The following GEMIN5 variants were observed in gnomAD, a reference collection of about 807,000 sequenced individuals.
GEMIN5 encodes the protein gem nuclear organelle associated protein 5.
A neutral mutation model predicts 176.9 loss-of-function variants in GEMIN5; 124 were observed. That is an observed-to-expected ratio of 0.70 (90% CI 0.61 to 0.81). The LOEUF (loss-of-function observed/expected upper bound fraction) is 0.81, where lower values mean the gene tolerates loss of function less well. Ranked by LOEUF, GEMIN5 falls within the 40% of genes least tolerant of loss-of-function variation. The pLI is 0.00. For synonymous variants in GEMIN5, 673 were observed against 665.2 expected (o/e 1.01, Z -0.18); for missense variants, 1,843 against 1,814.6 (o/e 1.02, Z -0.28).
chr5:154,901,541 A>C (rs1450936256), intron 20 of GEMIN5, 55 bp from the exon 21 acceptor site: 8 of 1,559,464 alleles, frequency 5.1e-6, no homozygotes, highest in Middle Eastern at 1.7e-4. Context: ...AGTAAAAACA[A>C]TACCCAGTAC....
intron 19 of GEMIN5, 48 bp downstream of exon 19, chr5:154,903,032 G>T: frequency 1.7e-6 from 2 of 1,208,334 alleles, no homozygotes; most frequent in South Asian, 1.3e-5. Context: ...ACAAAATGTT[G>T]GGAAAGTATA....
In GEMIN5 at chr5:154,928,577, T is replaced by G. The variant is rs141889049; in HGVS notation, c.864A>C (p.Thr288=). 1.7e-4 allele frequency: 281 copies of G among 1,613,812 alleles called. No homozygotes were observed. The highest frequency in any genetic ancestry group is 2.3e-4 in the Non-Finnish European group (274 of 1,179,776). ...TTGGTTGATTGCTGGGCCAATGGAG[T>G]GTCAACCAAAGGCGCTCTTTAACAG... ...DPTVKERLWL[T]LHWPSNQPTQ... is the part of the protein sequence containing the mutation. Residue 288 remains threonine, a synonymous_variant, in exon 6 of 28, where the codon ACA becomes ACC. Coordinates refer to ENST00000285873, the MANE Select transcript of GEMIN5 (RefSeq NM_015465.5).
At chr5:154,901,234 A>G in intron 21 of GEMIN5, 105 bp downstream of exon 21, 9 of 1,080,658 alleles carry the variant, frequency 8.3e-6, no homozygotes, top group Non-Finnish European at 1.2e-5. Context: ...AGGGGGCTGA[A>G]GCAGGAGGAC....
At chr5:154,903,308 T>TC in intron 18 of GEMIN5, 133 bp from the exon 19 acceptor site, 1 of 626,710 alleles carries the variant, frequency 1.6e-6, no homozygotes, top group Non-Finnish European at 2.8e-6. Flanking sequence ...TAACAGAGAC[T>TC]CCTGCAGTTA....
chr5:154,919,326 T>C (rs1763874410), intron 11 of GEMIN5, among the ~76,000 whole-genome samples: 1 of 152,038 alleles, frequency 6.6e-6, no homozygotes, highest in Non-Finnish European at 1.5e-5. Context: ...AGTGAGACTC[T>C]GTCACACACA....
intron 13 of GEMIN5, among the ~76,000 whole-genome samples, chr5:154,914,284 G>C (rs1763769466): frequency 6.6e-6 from 1 of 152,196 alleles, no homozygotes; most frequent in Non-Finnish European, 1.5e-5. Flanking sequence ...GCCTCCCAAA[G>C]TGCCGGGATT....
intron 15 of GEMIN5, among the ~76,000 whole-genome samples, chr5:154,911,406 G>C (rs2113481963): frequency 6.6e-6 from 1 of 152,278 alleles, no homozygotes; most frequent in South Asian, 2.1e-4. Flanking sequence ...CCAGCTACTA[G>C]GGAGGTCAAG....
chr5:154,934,620 A>G (rs1764229768), intron 3 of GEMIN5, among the ~76,000 whole-genome samples: 1 of 152,256 alleles, frequency 6.6e-6, no homozygotes, highest in East Asian at 1.9e-4. Context: ...CCTTATCATC[A>G]ACTTTTAAAA....
At chr5:154,919,078 G>A (rs576390132) in intron 11 of GEMIN5, among the ~76,000 whole-genome samples, 2 of 151,998 alleles carry the variant, frequency 1.3e-5, no homozygotes, top group East Asian at 3.9e-4. Context: ...ATACTCATTT[G>A]AAAGGGTAAG....
At chr5:154,896,501 A>G (rs816746) in intron 23 of GEMIN5, among the ~76,000 whole-genome samples, 158 bp from the exon 24 acceptor site, 145,433 of 152,234 alleles carry the variant, frequency 0.96, 69,573 homozygotes, top group South Asian at 0.99. Flanking sequence ...GCATGAAAAG[A>G]GACAAAAGGG....
At chr5:154,919,892 T>A (rs911930894) in intron 11 of GEMIN5, 75 bp downstream of exon 11, 1 of 1,318,290 alleles carries the variant, frequency 7.6e-7, no homozygotes, top group Non-Finnish European at 1.1e-6. Context: ...AATAACAGCA[T>A]TTATTTTGCA....
intron 8 of GEMIN5, among the ~76,000 whole-genome samples, chr5:154,925,577 T>G (rs348758): frequency 0.96 from 146,056 of 152,196 alleles, 70,141 homozygotes; most frequent in South Asian, 0.99. Context: ...ATTCCAACAT[T>G]TGGTTATCTT....
chr5:154,889,034 G>A (rs1269644127), intron 27 of GEMIN5, among the ~76,000 whole-genome samples: 1 of 151,816 alleles, frequency 6.6e-6, no homozygotes, highest in East Asian at 1.9e-4. Flanking sequence ...CTGCCCCCAC[G>A]CCCGGCTAAT....
intron 13 of GEMIN5, among the ~76,000 whole-genome samples, chr5:154,915,688 T>A (rs781682498): frequency 1.3e-5 from 2 of 152,212 alleles, no homozygotes; most frequent in Non-Finnish European, 2.9e-5. Flanking sequence ...GAGGATAACG[T>A]TACCTATCAC....
rs149015090 is a variant in GEMIN5 at position 154,903,157 on chromosome 5, G to T, written c.2651C>A (p.Ser884Tyr). Residue 884 changes from serine (S) to tyrosine (Y), a missense_variant, in exon 19 of 28, where the codon TCT becomes TAT. By Grantham distance (144) the Ser-to-Tyr change is moderately radical. Coordinates refer to ENST00000285873, the MANE Select transcript of GEMIN5 (RefSeq NM_015465.5). The part of the protein sequence containing the change: ...KHSRELNEDV[S>Y]ADVEERFHLG... ...ATGAAATCTTTCCTCAACATCAGCA[G>T]ACACATCTTCATTCAGCTCTGTTAA... is the stretch of plus-strand genomic sequence containing the variant. The T allele has an allele frequency of 2.5e-6, 4 of 1,610,946 alleles. No homozygotes were observed. In the African/African-American group the frequency reaches 5.3e-5, roughly 22 times the overall value.
intron 4 of GEMIN5, 31 bp downstream of exon 4, chr5:154,932,068 T>G (rs754940327): frequency 6.6e-7 from 1 of 1,526,494 alleles, no homozygotes; most frequent in African/African-American, 1.4e-5. Context: ...AGGTCTCAAG[T>G]GGACTTAACT....
At position 154,899,242 on chromosome 5, in the gene GEMIN5, C is replaced by T. The variant is rs1191447852; in HGVS notation, c.3083G>A (p.Ser1028Asn). ...ATCTCTTTCTAGGACGGTTCCCCAG[C>T]TGAGGTACAAGTCCTTCAGGACTGG... ...EDPVLKDLYL[S>N]WGTVLERDGH... is the part of the protein sequence containing the mutation. The change falls in exon 22 of 28, where the codon AGC (serine) becomes AAC (asparagine). Residue 1028 changes from serine (S) to asparagine (N), a missense_variant. Ser to Asn is a conservative substitution (Grantham distance 46, BLOSUM62 1). Coordinates refer to ENST00000285873, the MANE Select transcript of GEMIN5 (RefSeq NM_015465.5). The T allele has an allele frequency of 1.2e-6, 2 of 1,613,610 alleles. No homozygotes were observed. The highest frequency in any genetic ancestry group is 1.1e-5 in the South Asian group (1 of 90,878).
chr5:154,897,914 G>GTTTTTTTTTTTTT (rs35458616), intron 23 of GEMIN5, among the ~76,000 whole-genome samples: 1 of 124,510 alleles, frequency 8.0e-6, no homozygotes, highest in Non-Finnish European at 1.6e-5. Context: ...TTTTTTTTGT[G>GTTTTTTTTTTTTT]TTTTTTTTTT....
At chr5:154,918,234 A>C (rs1446280757) in intron 11 of GEMIN5, among the ~76,000 whole-genome samples, 1 of 152,240 alleles carries the variant, frequency 6.6e-6, no homozygotes, top group Non-Finnish European at 1.5e-5. Flanking sequence ...GCCAATAAGT[A>C]CTAAATGTTT....
Sources: allele counts gnomAD v4.1 joint callset (sites outside exome capture counted in the v4.1 genomes callset), GRCh38; gene constraint gnomAD v4.1.1; transcripts MANE v1.5; gene names NCBI Gene and HGNC (gene_info 2026-07-23, HGNC 2026-07-21).